DCC: variants seen among roughly 807,000 people sequenced by gnomAD.
The protein encoded by DCC is DCC netrin 1 receptor.
A neutral mutation model predicts 172.5 loss-of-function variants in DCC; 58 were observed. That is an observed-to-expected ratio of 0.34 (90% CI 0.27 to 0.42). The LOEUF is 0.42. DCC is among the 10% of genes least tolerant of loss of function. The pLI, the probability that DCC is intolerant of heterozygous loss-of-function variation, is 1.00. For missense variants in DCC, 1,740 were observed against 1,791.0 expected, an observed-to-expected ratio of 0.97 and a Z score of 0.51; for synonymous variants, 709 against 644.5, an observed-to-expected ratio of 1.10 and a Z score of -1.52.
chr18:53,151,999 A>G (rs1173036542), intron 7 of DCC, among the ~76,000 whole-genome samples: 1 of 152,174 alleles, frequency 6.6e-6, no homozygotes, highest in African/African-American at 2.4e-5. Flanking sequence ...ACAACAAGAA[A>G]AAAAAATCAA....
At chr18:53,368,486 T>C (rs2058028782) in intron 15 of DCC, among the ~76,000 whole-genome samples, 1 of 152,156 alleles carries the variant, frequency 6.6e-6, no homozygotes, top group Non-Finnish European at 1.5e-5. Context: ...ACTTACCTCT[T>C]CTGTTGGTGT....
At chr18:53,307,079 G>A (rs941660040) in intron 13 of DCC, among the ~76,000 whole-genome samples, 4 of 152,164 alleles carry the variant, frequency 2.6e-5, no homozygotes, top group African/African-American at 9.7e-5. Flanking sequence ...TCAGAGACTT[G>A]AAAGTAACTT....
At chr18:52,560,553 T>C (rs1438891526) in intron 1 of DCC, among the ~76,000 whole-genome samples, 3 of 152,160 alleles carry the variant, frequency 2.0e-5, no homozygotes, top group Non-Finnish European at 4.4e-5. Context: ...AGTCTCCCAC[T>C]TCATCCTTCT....
At chr18:52,552,294 C>T (rs1419257717) in intron 1 of DCC, among the ~76,000 whole-genome samples, 1 of 151,826 alleles carries the variant, frequency 6.6e-6, no homozygotes, top group Non-Finnish European at 1.5e-5. Context: ...ACCTTGTTTC[C>T]AAGAAAAGGA....
intron 1 of DCC, among the ~76,000 whole-genome samples, chr18:52,427,536 G>A (rs1182280623): frequency 6.6e-6 from 1 of 152,024 alleles, no homozygotes; most frequent in Non-Finnish European, 1.5e-5. Flanking sequence ...AAAGCAGAGG[G>A]TGTGCGACTG....
At chr18:53,094,659 G>A (rs1417859720) in intron 7 of DCC, among the ~76,000 whole-genome samples, 1 of 152,144 alleles carries the variant, frequency 6.6e-6, no homozygotes, top group Non-Finnish European at 1.5e-5. Flanking sequence ...AATGCATGCA[G>A]CTAATAGATA....
chr18:52,396,299 C>A (rs1361680769), intron 1 of DCC, among the ~76,000 whole-genome samples: 1 of 143,822 alleles, frequency 7.0e-6, no homozygotes, highest in African/African-American at 2.5e-5. Flanking sequence ...CCCACCCCGC[C>A]CTGAAAAGAC....
chr18:53,312,974 G>A (rs2057295657), intron 13 of DCC, among the ~76,000 whole-genome samples: 1 of 133,982 alleles, frequency 7.5e-6, no homozygotes. Context: ...AGTGGGGAGA[G>A]GAAGGGAGGA....
chr18:52,406,966 T>C (rs1032553503), intron 1 of DCC, among the ~76,000 whole-genome samples: 3 of 152,130 alleles, frequency 2.0e-5, no homozygotes, highest in African/African-American at 7.2e-5. Flanking sequence ...ATATTTTTGT[T>C]GAGATTCACA....
At chr18:53,148,647 A>G (rs1282011208) in intron 7 of DCC, among the ~76,000 whole-genome samples, 2 of 152,194 alleles carry the variant, frequency 1.3e-5, no homozygotes, top group African/African-American at 4.8e-5. Context: ...AAGAGAAAAA[A>G]GAGACCTGAA....
intron 1 of DCC, among the ~76,000 whole-genome samples, chr18:52,487,808 C>A (rs371784861): frequency 2.4e-5 from 1 of 40,988 alleles, no homozygotes; most frequent in South Asian, 1.5e-3. Flanking sequence ...GAGACTCCAC[C>A]TCAAAAAAAA....
At chr18:52,881,153 ATCT>A (rs2145404597) in intron 2 of DCC, among the ~76,000 whole-genome samples, 1 of 152,168 alleles carries the variant, frequency 6.6e-6, no homozygotes, top group South Asian at 2.1e-4. Context: ...CCATTTTATT[ATCT>A]TCTGAGAAAT....
chr18:52,589,540 T>G (rs2033752406), intron 1 of DCC, among the ~76,000 whole-genome samples: 1 of 152,238 alleles, frequency 6.6e-6, no homozygotes, highest in Non-Finnish European at 1.5e-5. Context: ...CTTGTCAATC[T>G]GCAAAGCAGA....
intron 12 of DCC, among the ~76,000 whole-genome samples, chr18:53,248,849 CA>C (rs777423250): frequency 1.3e-5 from 2 of 151,994 alleles, no homozygotes; most frequent in African/African-American, 4.8e-5. Flanking sequence ...TACATAAACA[CA>C]AAAATTGTTT....
intron 2 of DCC, among the ~76,000 whole-genome samples, chr18:52,775,044 T>C (rs754654808): frequency 7.9e-5 from 12 of 152,124 alleles, no homozygotes; most frequent in Non-Finnish European, 1.5e-4. Context: ...AAACAGAGCC[T>C]CTTACCAGCA....
intron 5 of DCC, among the ~76,000 whole-genome samples, chr18:53,037,099 G>C (rs1441351282): frequency 6.6e-6 from 1 of 151,912 alleles, no homozygotes; most frequent in Admixed American, 6.6e-5. Flanking sequence ...GGGACATCAG[G>C]AAAGACCCTT....
At position 53,110,763 on chromosome 18, in the gene DCC, G is replaced by T. The variant is rs574816618; in HGVS notation, c.1261+44597G>T. ...GTCAGGAAACAACAGGTGCTGGAGAGGATGTGGAGAAATAGGAACACTTTT... is the reference window on the plus strand; with the variant it reads ...GTCAGGAAACAACAGGTGCTGGAGATGATGTGGAGAAATAGGAACACTTTT... On this transcript the variant is annotated intron_variant, in intron 7 of 28. Transcript: ENST00000442544. 3.3e-4 allele frequency among the ~76,000 whole-genome samples: 44 copies of T among 132,142 alleles called. 1 individual carries two copies. The highest frequency in any genetic ancestry group is 1.1e-3 in the African/African-American group (38 of 34,204). 86.7% of individuals were successfully genotyped at this position (132,142 alleles called of 152,430 possible).
chr18:52,667,309 T>A (rs2035473723), intron 1 of DCC, among the ~76,000 whole-genome samples: 1 of 152,220 alleles, frequency 6.6e-6, no homozygotes, highest in Non-Finnish European at 1.5e-5. Context: ...CATCCAAGCA[T>A]CCTAAGCATA....
intron 1 of DCC, among the ~76,000 whole-genome samples, chr18:52,363,593 G>C (rs1984713702): frequency 6.6e-6 from 1 of 152,130 alleles, no homozygotes; most frequent in Non-Finnish European, 1.5e-5. Flanking sequence ...TGAGAGCAGG[G>C]GATGTTATAG....
Sources: gnomAD v4.1 joint callset for allele counts (sites outside exome capture counted in the v4.1 genomes callset) on GRCh38, gnomAD v4.1.1 for gene constraint, MANE v1.5 for transcripts, NCBI Gene and HGNC (gene_info 2026-07-23, HGNC 2026-07-21) for gene names.